Variants in REC114 observed in about 807,000 individuals in gnomAD.
The protein encoded by REC114 is meiotic recombination protein REC114.
In REC114, 27 loss-of-function variants were observed where a neutral mutation model predicts 31.3. That is an observed-to-expected ratio of 0.86 (90% CI 0.64 to 1.19). The LOEUF is 1.19. Among genes scored for constraint, REC114 ranks in the 50% most tolerant of loss-of-function variants. The probability of loss-of-function intolerance (pLI) is 0.00; values close to 1 mark genes in which losing one functional copy is unlikely to be tolerated. For synonymous variants in REC114, 134 were observed against 127.7 expected (o/e 1.05, Z -0.33); for missense variants, 344 against 326.9 (o/e 1.05, Z -0.40).
At chr15:73,511,996 C>G (rs1893778412) in intron 2 of REC114, among the ~76,000 whole-genome samples, 1 of 110,234 alleles carries the variant, frequency 9.1e-6, no homozygotes, top group African/African-American at 4.3e-5. Context: ...TCCTGGGTAT[C>G]CTTGTTGACT....
chr15:73,544,128 T>C (rs1047406546), intron 3 of REC114, among the ~76,000 whole-genome samples: 3 of 152,098 alleles, frequency 2.0e-5, no homozygotes, highest in Non-Finnish European at 4.4e-5. Context: ...CGATATTCTT[T>C]ATCATGTAAG....
intron 1 of REC114, among the ~76,000 whole-genome samples, chr15:73,451,786 C>T (rs535096551): frequency 5.3e-5 from 8 of 152,286 alleles, no homozygotes; most frequent in Non-Finnish European, 5.9e-5. Flanking sequence ...TTATCCACCA[C>T]GATCAAGTCA....
At chr15:73,481,210 T>C (rs1315479542) in intron 2 of REC114, among the ~76,000 whole-genome samples, 3 of 152,184 alleles carry the variant, frequency 2.0e-5, no homozygotes, top group African/African-American at 7.2e-5. Flanking sequence ...GGTTTTGGGC[T>C]TTCTGCTTGG....
At chr15:73,475,322 T>C (rs1433548999) in intron 2 of REC114, among the ~76,000 whole-genome samples, 1 of 152,216 alleles carries the variant, frequency 6.6e-6, no homozygotes, top group African/African-American at 2.4e-5. Flanking sequence ...TAAGGATAAC[T>C]CTGCAATTTG....
At chr15:73,466,636 G>A (rs1448966143) in intron 1 of REC114, among the ~76,000 whole-genome samples, 1 of 152,130 alleles carries the variant, frequency 6.6e-6, no homozygotes, top group African/African-American at 2.4e-5. Context: ...TTGTTGATAT[G>A]TTTTATCCCC....
intron 1 of REC114, among the ~76,000 whole-genome samples, chr15:73,448,933 GA>G (rs1567844793): frequency 6.6e-6 from 1 of 152,118 alleles, no homozygotes; most frequent in African/African-American, 2.4e-5. Context: ...CAAACAAACA[GA>G]AAGGAATAGT....
At chr15:73,467,888 G>T (rs1040103963) in intron 1 of REC114, among the ~76,000 whole-genome samples, 7 of 150,904 alleles carry the variant, frequency 4.6e-5, no homozygotes, top group African/African-American at 1.7e-4. Context: ...GGAGGCTCAA[G>T]AATCTTTTTT....
At chr15:73,514,324 C>T (rs990158514) in intron 2 of REC114, among the ~76,000 whole-genome samples, 2 of 151,820 alleles carry the variant, frequency 1.3e-5, no homozygotes, top group Non-Finnish European at 2.9e-5. Flanking sequence ...CGCGCACCCA[C>T]TGGCCTGCGC....
At chr15:73,457,252 A>G (rs1331795223) in intron 1 of REC114, among the ~76,000 whole-genome samples, 3 of 151,976 alleles carry the variant, frequency 2.0e-5, no homozygotes, top group African/African-American at 4.8e-5. Flanking sequence ...AAGAACAGGC[A>G]CTATTCCCTG....
chr15:73,509,425 T>G (rs1464202325), intron 2 of REC114, among the ~76,000 whole-genome samples: 4 of 151,194 alleles, frequency 2.6e-5, no homozygotes, highest in Non-Finnish European at 2.9e-5. Context: ...TCTTTTGCTG[T>G]GCAGAAGCTC....
At chr15:73,459,387 C>T (rs987186929) in intron 1 of REC114, among the ~76,000 whole-genome samples, 3 of 151,898 alleles carry the variant, frequency 2.0e-5, no homozygotes, top group African/African-American at 2.4e-5. Context: ...CTGCCACTAC[C>T]GCCCGGCTAA....
chr15:73,483,185 T>C (rs557319088), intron 2 of REC114: 1 of 152,552 alleles, frequency 6.6e-6, no homozygotes, highest in African/African-American at 2.4e-5. Flanking sequence ...TTCAAAAAAA[T>C]ATTTAACAGT....
intron 3 of REC114, among the ~76,000 whole-genome samples, chr15:73,545,303 T>G (rs534184457): frequency 3.3e-5 from 5 of 152,306 alleles, no homozygotes; most frequent in African/African-American, 1.2e-4. Flanking sequence ...AGTTCGTGAT[T>G]GTTGGTATAC....
intron 2 of REC114, among the ~76,000 whole-genome samples, chr15:73,517,932 C>G (rs546297619): frequency 1.3e-5 from 2 of 152,120 alleles, no homozygotes; most frequent in South Asian, 4.2e-4. Context: ...AAGGAACTGC[C>G]ACATGTAGGA....
intron 2 of REC114, among the ~76,000 whole-genome samples, chr15:73,517,276 C>T (rs1893870662): frequency 1.3e-5 from 2 of 152,092 alleles, no homozygotes; most frequent in South Asian, 2.1e-4. Flanking sequence ...AAGGGAGTGA[C>T]AGAGTCAGTT....
intron 5 of REC114, among the ~76,000 whole-genome samples, chr15:73,559,229 A>G (rs567094285): frequency 6.6e-6 from 1 of 152,360 alleles, no homozygotes; most frequent in East Asian, 1.9e-4. Context: ...TGACAGTTAC[A>G]CGACTATTTG....
chr15:73,487,710 ACT>A, intron 2 of REC114, among the ~76,000 whole-genome samples: 1 of 152,156 alleles, frequency 6.6e-6, no homozygotes. Flanking sequence ...CTAAGATCAC[ACT>A]CTGGTGGCTC....
chr15:73,514,046 C>A (rs1016654424), intron 2 of REC114, among the ~76,000 whole-genome samples: 6 of 152,144 alleles, frequency 3.9e-5, no homozygotes, highest in Admixed American at 2.6e-4. Context: ...CCCCCAGCCT[C>A]GCTGCTGCCT....
chr15:73,445,149 A>G (rs1252752185), intron 1 of REC114, among the ~76,000 whole-genome samples: 1 of 152,228 alleles, frequency 6.6e-6, no homozygotes, highest in African/African-American at 2.4e-5. Flanking sequence ...TCAGAATGGT[A>G]AATGAGCATT....
Sources: allele counts gnomAD v4.1 joint callset (sites outside exome capture counted in the v4.1 genomes callset), GRCh38; gene constraint gnomAD v4.1.1; transcripts MANE v1.5; gene names NCBI Gene and HGNC (gene_info 2026-07-23, HGNC 2026-07-21).